The following STK10 variants were observed in gnomAD, a reference collection of about 807,000 sequenced individuals.
The protein encoded by STK10 is serine/threonine-protein kinase 10.
In STK10, 78 loss-of-function variants were observed where a neutral mutation model predicts 113.8. The observed-to-expected ratio is 0.69, with a 90% CI of 0.57 to 0.83. The LOEUF is 0.83. Among genes scored for constraint, STK10 ranks in the 40% least tolerant of loss-of-function variants. The pLI, the probability that STK10 is intolerant of heterozygous loss-of-function variation, is 0.00. For synonymous variants in STK10, 465 were observed against 494.7 expected (o/e 0.94, Z 0.80); for missense variants, 1,109 against 1,280.1 (o/e 0.87, Z 2.04).
chr5:172,150,223 G>A, intron 2 of STK10, among the ~76,000 whole-genome samples: 1 of 151,870 alleles, frequency 6.6e-6, no homozygotes, highest in East Asian at 1.9e-4. Flanking sequence ...GCTCACGCCT[G>A]TAATCCCAGC....
intron 7 of STK10, 109 bp from the exon 8 acceptor site, chr5:172,096,669 G>C: frequency 6.9e-7 from 1 of 1,440,678 alleles, no homozygotes; most frequent in Non-Finnish European, 9.5e-7. Context: ...TCATTCCTGA[G>C]CAAAATGTGC....
chr5:172,157,632 C>T (rs1439212139), intron 1 of STK10, among the ~76,000 whole-genome samples: 1 of 151,744 alleles, frequency 6.6e-6, no homozygotes, highest in Non-Finnish European at 1.5e-5. Flanking sequence ...ACTCTGTCGC[C>T]CAGGCTGAAG....
chr5:172,085,739 GA>G (rs1233177176), intron 10 of STK10, among the ~76,000 whole-genome samples: 1 of 151,572 alleles, frequency 6.6e-6, no homozygotes, highest in Non-Finnish European at 1.5e-5. Flanking sequence ...CATATAATCG[GA>G]AAAAAAGAAA....
rs1237005173 is a variant in STK10, at chr5:172,093,119, C to T, written c.1554+293G>A. 6.6e-6 allele frequency among the ~76,000 whole-genome samples: 1 copy of T among 152,182 alleles called. No homozygotes were observed. Among genetic ancestry groups the T allele is most frequent in the Non-Finnish European group, 1.5e-5 (1 of 68,040 alleles). ...TTATCAGCTGGGTCTCGTGGCTGAC[C>T]TCTGGATGACAGAACTTCATTTGTA... On this transcript the variant is annotated intron_variant, in intron 9 of 18. Transcript: ENST00000176763. This position sits in a 1 kb window ranked among gnomAD's most constrained non-coding sequence, Gnocchi z 4.1.
At chr5:172,106,926 C>G in intron 5 of STK10, 112 bp from the exon 6 acceptor site, 1 of 1,064,754 alleles carries the variant, frequency 9.4e-7, no homozygotes, top group Non-Finnish European at 1.3e-6. Context: ...GCAGCACTCC[C>G]GAATCATGAT....
intron 10 of STK10, among the ~76,000 whole-genome samples, chr5:172,089,043 G>A (rs943013964): frequency 1.3e-5 from 2 of 152,062 alleles, no homozygotes; most frequent in African/African-American, 4.8e-5. Flanking sequence ...GCCCCAGCCT[G>A]AGCCCAGAGC....
chr5:172,055,280 A>G (rs1286057569), intron 16 of STK10, among the ~76,000 whole-genome samples: 1 of 151,800 alleles, frequency 6.6e-6, no homozygotes, highest in East Asian at 1.9e-4. Context: ...GCTCACCGCA[A>G]CCTCTGCCTC....
intron 6 of STK10, 134 bp downstream of exon 6, chr5:172,106,486 C>G: frequency 1.0e-6 from 1 of 983,786 alleles, no homozygotes; most frequent in African/African-American, 1.7e-5. Flanking sequence ...GACCCCCAGG[C>G]CCCAACCTCT....
chr5:172,048,453 A>ACACACACACACACACACAC (rs58262876), intron 18 of STK10, among the ~76,000 whole-genome samples: 1 of 146,830 alleles, frequency 6.8e-6, no homozygotes, highest in Non-Finnish European at 1.5e-5. Context: ...ACACACACAC[A>ACACACACACACACACACAC]TCCTCTCTCT....
chr5:172,066,574 G>A (rs150011789), intron 12 of STK10, among the ~76,000 whole-genome samples: 1 of 152,210 alleles, frequency 6.6e-6, no homozygotes, highest in East Asian at 1.9e-4. Context: ...ATCACTTGAG[G>A]TCAGGAGTTC....
chr5:172,107,678 T>TGCCCAC, intron 5 of STK10, 102 bp downstream of exon 5: 3 of 1,075,806 alleles, frequency 2.8e-6, no homozygotes, highest in Non-Finnish European at 4.1e-6. Flanking sequence ...GCAGGGCGTG[T>TGCCCAC]AGCCCTTGTC....
chr5:172,129,486 T>C (rs562338663), intron 2 of STK10, among the ~76,000 whole-genome samples: 24 of 152,306 alleles, frequency 1.6e-4, no homozygotes, highest in Non-Finnish European at 3.1e-4. Flanking sequence ...TGAATAAAAG[T>C]CATCAGAAAT....
At chr5:172,061,293 CT>C in intron 13 of STK10, 25 bp from the exon 14 acceptor site, 2 of 1,595,730 alleles carry the variant, frequency 1.3e-6, no homozygotes, top group Admixed American at 1.8e-5. Context: ...GAGGACAGGC[CT>C]TTATCCAGAG....
intron 4 of STK10, among the ~76,000 whole-genome samples, chr5:172,116,546 T>A (rs1050959507): frequency 6.6e-6 from 1 of 151,920 alleles, no homozygotes; most frequent in Non-Finnish European, 1.5e-5. Flanking sequence ...ATAAAAACAT[T>A]AAAAATACAA....
At chr5:172,127,269 G>A in intron 3 of STK10, 104 bp downstream of exon 3, 1 of 1,260,184 alleles carries the variant, frequency 7.9e-7, no homozygotes, top group Non-Finnish European at 1.1e-6. Flanking sequence ...GATGGAATGG[G>A]AGAGTGGAGG....
intron 7 of STK10, among the ~76,000 whole-genome samples, chr5:172,105,129 C>G (rs1021947210): frequency 4.0e-5 from 6 of 151,866 alleles, no homozygotes; most frequent in African/African-American, 1.2e-4. Flanking sequence ...CCGCTCTCGT[C>G]TCCCCTCCCC....
intron 18 of STK10, among the ~76,000 whole-genome samples, chr5:172,048,798 TCA>T (rs1035090879): frequency 3.2e-4 from 45 of 142,120 alleles, no homozygotes; most frequent in South Asian, 6.6e-4. Context: ...GGCTTCCATC[TCA>T]CACAGAGTAA....
intron 12 of STK10, among the ~76,000 whole-genome samples, chr5:172,070,403 G>C (rs1463895054): frequency 1.3e-5 from 2 of 151,804 alleles, no homozygotes; most frequent in African/African-American, 4.8e-5. Flanking sequence ...CTGGGTCAAA[G>C]AGGAAGTTGC....
At chr5:172,174,030 A>G (rs531860770) in intron 1 of STK10, among the ~76,000 whole-genome samples, 2 of 152,188 alleles carry the variant, frequency 1.3e-5, no homozygotes, top group African/African-American at 2.4e-5. Context: ...CCAGCGCCAC[A>G]TCATAACCAC....
Sources: allele counts gnomAD v4.1 joint callset (sites outside exome capture counted in the v4.1 genomes callset), GRCh38; gene constraint gnomAD v4.1.1; non-coding constraint Gnocchi (gnomAD v3.1); transcripts MANE v1.5; gene names NCBI Gene and HGNC (gene_info 2026-07-23, HGNC 2026-07-21).